The following ST3GAL1 variants were observed in gnomAD, a reference collection of about 807,000 sequenced individuals.
ST3GAL1 encodes CMP-N-acetylneuraminate-beta-galactosamide-alpha-2,3-sialyltransferase 1.
In ST3GAL1, 16 loss-of-function variants were observed where a neutral mutation model predicts 34.1. The ratio of observed to expected loss-of-function variants is 0.47; its 90% CI spans 0.32 to 0.71. The LOEUF is 0.71. Ranked by LOEUF, ST3GAL1 falls within the 30% of genes least tolerant of loss-of-function variation. The pLI is 0.04. For synonymous variants in ST3GAL1, 191 were observed against 184.7 expected, an observed-to-expected ratio of 1.03 and a Z score of -0.28; for missense variants, 353 against 447.4, an observed-to-expected ratio of 0.79 and a Z score of 1.90.
At chr8:133,502,644 G>A (rs1034832696) in intron 2 of ST3GAL1, among the ~76,000 whole-genome samples, 1 of 152,158 alleles carries the variant, frequency 6.6e-6, no homozygotes, top group Non-Finnish European at 1.5e-5. Flanking sequence ...ATTTTGTTAT[G>A]GTAGTTCTAG....
rs1016636193 is a variant in ST3GAL1, at chr8:133,476,432, C to T, written c.-205G>A. 6.3e-6 allele frequency: 1 copy of T among 159,090 alleles called. No homozygotes were observed. Among genetic ancestry groups the T allele is most frequent in the African/African-American group, 2.4e-5 (1 of 41,554 alleles). The allele number at this position is 159,090 out of a possible 1,614,324, so 9.9% of individuals were successfully genotyped here. A position where few individuals can be genotyped will look rare whatever the true frequency, so the allele number is the denominator to read the frequency against. ...GTCCAGGGTCCCTCAGGAGCGAGGACCTCGAAGGAAGGGTGTTGGTATAGC... is the reference window on the plus strand; with the variant it reads ...GTCCAGGGTCCCTCAGGAGCGAGGATCTCGAAGGAAGGGTGTTGGTATAGC... On this transcript the variant is annotated 5_prime_UTR_variant, in exon 4 of 10. Transcript: ENST00000522652.
intron 2 of ST3GAL1, among the ~76,000 whole-genome samples, chr8:133,543,764 G>C (rs979317171): frequency 6.6e-6 from 1 of 151,424 alleles, no homozygotes; most frequent in African/African-American, 2.4e-5. Context: ...TAATAAGCTG[G>C]GAATGGACAA....
intron 1 of ST3GAL1, among the ~76,000 whole-genome samples, chr8:133,553,690 A>G (rs1283534489): frequency 3.9e-5 from 6 of 152,184 alleles, no homozygotes; most frequent in African/African-American, 1.4e-4. Context: ...TCTTTCTGTT[A>G]TCATCATTTG....
At chr8:133,487,140 T>C (rs1223216521) in intron 3 of ST3GAL1, among the ~76,000 whole-genome samples, 2 of 152,090 alleles carry the variant, frequency 1.3e-5, no homozygotes, top group African/African-American at 4.8e-5. Flanking sequence ...GGGGTTTTAC[T>C]ATGTTGGCCA....
intron 2 of ST3GAL1, among the ~76,000 whole-genome samples, chr8:133,529,472 C>G (rs1373070273): frequency 1.3e-5 from 2 of 152,170 alleles, no homozygotes; most frequent in Admixed American, 6.5e-5. Context: ...GGGAGGCAGA[C>G]AGGCAGACAG....
intron 2 of ST3GAL1, among the ~76,000 whole-genome samples, chr8:133,538,920 GT>G (rs35962843): frequency 0.32 from 48,861 of 152,054 alleles, 9,347 homozygotes; most frequent in East Asian, 0.6. Context: ...CTGTGTGACT[GT>G]TAAGTTACTT....
intron 3 of ST3GAL1, among the ~76,000 whole-genome samples, chr8:133,497,716 G>A (rs1326216749): frequency 6.6e-6 from 1 of 151,760 alleles, no homozygotes; most frequent in African/African-American, 2.4e-5. Flanking sequence ...CAGGTGATCC[G>A]CCTGCCTCGG....
intron 2 of ST3GAL1, among the ~76,000 whole-genome samples, chr8:133,537,998 C>T (rs1171760340): frequency 6.6e-6 from 1 of 152,152 alleles, no homozygotes; most frequent in African/African-American, 2.4e-5. Flanking sequence ...TCTTCTGCTC[C>T]ATTTTACACA....
chr8:133,542,779 CAAA>C (rs35321251), intron 2 of ST3GAL1, among the ~76,000 whole-genome samples: 21,180 of 85,188 alleles, frequency 0.25, 1,433 homozygotes, highest in Middle Eastern at 0.4. Context: ...TCCTCCATCT[CAAA>C]AAAAAAAAAA....
Position 133,570,687 on chromosome 8 carries a change from G to T in ST3GAL1, c.-582+1006C>A, listed in dbSNP as rs760756438. 2.0e-5 allele frequency among the ~76,000 whole-genome samples: 3 copies of T among 152,156 alleles called. No homozygotes were observed. The highest frequency in any genetic ancestry group is 7.2e-5 in the African/African-American group (3 of 41,444). The stretch of plus-strand genomic sequence containing the variant: ...CTCAAGTTCAGCCGCGCTTCCTCCC[G>T]CAAGGTCACGCTTAAACACTCGCGC... On this transcript the variant is annotated intron_variant, in intron 1 of 9. Coordinates refer to ENST00000522652, the MANE Select transcript of ST3GAL1 (RefSeq NM_173344.3). The surrounding 1 kb of genome is among the most constrained non-coding windows in gnomAD (Gnocchi z 5.6).
chr8:133,491,067 C>CG (rs779902908), intron 3 of ST3GAL1, among the ~76,000 whole-genome samples: 7 of 151,746 alleles, frequency 4.6e-5, no homozygotes, highest in African/African-American at 1.5e-4. Flanking sequence ...CTGGGGAAGT[C>CG]GGGGAAAAAA....
At chr8:133,511,921 C>T (rs796271381) in intron 2 of ST3GAL1, among the ~76,000 whole-genome samples, 19 of 152,224 alleles carry the variant, frequency 1.2e-4, no homozygotes, top group African/African-American at 4.6e-4. Context: ...GGCATGGTGG[C>T]ATGCACCTGT....
intron 2 of ST3GAL1, among the ~76,000 whole-genome samples, chr8:133,532,955 T>C (rs897197394): frequency 3.9e-5 from 6 of 152,216 alleles, no homozygotes; most frequent in African/African-American, 1.2e-4. Flanking sequence ...TATTCATTCG[T>C]TGAAACCACT....
intron 2 of ST3GAL1, among the ~76,000 whole-genome samples, chr8:133,536,649 C>T (rs1036664312): frequency 9.6e-4 from 146 of 152,180 alleles, no homozygotes; most frequent in African/African-American, 3.5e-3. Context: ...TCATGTCCTG[C>T]CACAGGCCCA....
intron 6 of ST3GAL1, chr8:133,465,513 G>A (rs1208761089): frequency 2.2e-5 from 4 of 180,126 alleles, no homozygotes; most frequent in Non-Finnish European, 4.6e-5. Flanking sequence ...TGGCGACAGG[G>A]GAAAATATAT....
At position 133,520,181 on chromosome 8, in the gene ST3GAL1, G is replaced by C. The variant is rs566435129; in HGVS notation, c.-428-20992C>G. ...GATGAAGGGAGCTGAAATTCTAGGG[G>C]AGGCAGAGACTATGCAAAGAAATGA... On this transcript the variant is annotated intron_variant, in intron 2 of 9. Transcript: ENST00000522652. 3.9e-5 allele frequency among the ~76,000 whole-genome samples: 6 copies of C among 152,296 alleles called. No homozygotes were observed. In the East Asian group the frequency reaches 9.6e-4, roughly 24 times the overall value.
chr8:133,528,465 C>T (rs1818041745), intron 2 of ST3GAL1, among the ~76,000 whole-genome samples: 2 of 152,220 alleles, frequency 1.3e-5, no homozygotes, highest in South Asian at 4.1e-4. Context: ...GAGTCTCTGT[C>T]CAGTGATGGG....
At position 133,570,312 on chromosome 8, in the gene ST3GAL1, G is replaced by A. The variant is rs927533695; in HGVS notation, c.-582+1381C>T. 2 of 152,282 alleles carry A rather than the reference G, an allele frequency of 1.3e-5. No individual in the cohort carries two copies. Among genetic ancestry groups the A allele is most frequent in the Admixed American group, 1.3e-4 (2 of 15,292 alleles). The allele number at this position is 152,282 out of a possible 1,614,324, so 9.4% of individuals were successfully genotyped here. On this transcript the variant is annotated intron_variant, in intron 1 of 9. Coordinates refer to ENST00000522652, the MANE Select transcript of ST3GAL1 (RefSeq NM_173344.3). The surrounding 1 kb of genome is among the most constrained non-coding windows in gnomAD (Gnocchi z 5.6). ...GCCCGGAAACAATCACGAGAAAGCCGGGCGAATGCCTGATGCAGGGACGCG... is the reference window on the plus strand; with the variant it reads ...GCCCGGAAACAATCACGAGAAAGCCAGGCGAATGCCTGATGCAGGGACGCG...
At chr8:133,564,062 T>C (rs1288576057) in intron 1 of ST3GAL1, among the ~76,000 whole-genome samples, 1 of 152,268 alleles carries the variant, frequency 6.6e-6, no homozygotes, top group Non-Finnish European at 1.5e-5. Flanking sequence ...CTTTGCTGTG[T>C]GTCTCTTGTT....
Sources: gnomAD v4.1 joint callset for allele counts (sites outside exome capture counted in the v4.1 genomes callset) on GRCh38, gnomAD v4.1.1 for gene constraint, Gnocchi (gnomAD v3.1) non-coding constraint, MANE v1.5 for transcripts, NCBI Gene and HGNC (gene_info 2026-07-23, HGNC 2026-07-21) for gene names.